The following ATP10B variants were observed in gnomAD, a reference collection of about 807,000 sequenced individuals.
ATP10B encodes phospholipid-transporting ATPase VB.
A neutral mutation model predicts 141.2 loss-of-function variants in ATP10B; 122 were observed. That is an observed-to-expected ratio of 0.86 (90% CI 0.75 to 1.00). The LOEUF (loss-of-function observed/expected upper bound fraction) is 1.00. Among genes scored for constraint, ATP10B ranks in the 50% least tolerant of loss-of-function variants. The pLI is 0.00. For missense variants in ATP10B, 1,876 were observed against 1,825.3 expected (o/e 1.03, Z -0.51); for synonymous variants, 685 against 692.0 (o/e 0.99, Z 0.16).
chr5:160,703,201 A>G (rs909771646), intron 3 of ATP10B, among the ~76,000 whole-genome samples: 1 of 152,126 alleles, frequency 6.6e-6, no homozygotes, highest in Non-Finnish European at 1.5e-5. Flanking sequence ...ATATAATTAC[A>G]TATAGGCGTA....
At chr5:160,598,346 A>G (rs1203808595) in intron 22 of ATP10B, among the ~76,000 whole-genome samples, 4 of 152,078 alleles carry the variant, frequency 2.6e-5, no homozygotes, top group East Asian at 1.9e-4. Context: ...ATGAGAACAC[A>G]TGGACACAGG....
chr5:160,610,250 A>C (rs1032939762), intron 18 of ATP10B, among the ~76,000 whole-genome samples: 3 of 152,170 alleles, frequency 2.0e-5, no homozygotes, highest in Non-Finnish European at 4.4e-5. Context: ...CTCTTGGATG[A>C]TTAGCCCTGA....
intron 23 of ATP10B, among the ~76,000 whole-genome samples, chr5:160,590,673 A>G (rs140176807): frequency 6.6e-6 from 1 of 152,322 alleles, no homozygotes; most frequent in African/African-American, 2.4e-5. Context: ...AGTAAATTCA[A>G]ATACCTTCAG....
At chr5:160,878,165 G>C in the ATP10B span, among the ~76,000 whole-genome samples, 1 of 150,016 alleles carries the variant, frequency 6.7e-6, no homozygotes, top group Admixed American at 6.6e-5. Context: ...AAACAGCATG[G>C]TACTGGTACC....
At chr5:160,778,697 G>A (rs1770512983) in intron 2 of ATP10B, among the ~76,000 whole-genome samples, 1 of 152,144 alleles carries the variant, frequency 6.6e-6, no homozygotes, top group Non-Finnish European at 1.5e-5. Flanking sequence ...TTACAGATAT[G>A]TTATAAATAC....
intron 24 of ATP10B, among the ~76,000 whole-genome samples, chr5:160,582,221 G>A (rs537594785): frequency 1.3e-5 from 2 of 152,266 alleles, no homozygotes; most frequent in African/African-American, 4.8e-5. Flanking sequence ...CCCATTAGTT[G>A]ATGCAGTTTC....
At chr5:160,885,493 A>C in the ATP10B span, among the ~76,000 whole-genome samples, 1 of 152,234 alleles carries the variant, frequency 6.6e-6, no homozygotes, top group Non-Finnish European at 1.5e-5. Flanking sequence ...CCTTGGCAAA[A>C]CCCCAGGATC....
intron 1 of ATP10B, among the ~76,000 whole-genome samples, chr5:160,843,507 C>CAAAA (rs34514367): frequency 1.4e-5 from 2 of 138,552 alleles, no homozygotes; most frequent in African/African-American, 5.3e-5. Context: ...AGAGCATTGA[C>CAAAA]AAAAAAAAAA....
At chr5:160,829,000 T>C (rs1312127107) in intron 1 of ATP10B, among the ~76,000 whole-genome samples, 1 of 129,052 alleles carries the variant, frequency 7.7e-6, no homozygotes, top group Non-Finnish European at 1.6e-5. Flanking sequence ...AGATGGGAAT[T>C]GAACAATGAG....
At chr5:160,578,665 C>G (rs1755350181) in intron 24 of ATP10B, among the ~76,000 whole-genome samples, 1 of 152,138 alleles carries the variant, frequency 6.6e-6, no homozygotes, top group Non-Finnish European at 1.5e-5. Flanking sequence ...GTGCATGTGT[C>G]TTTATAGTAG....
chr5:160,834,686 T>A (rs1351876098), intron 1 of ATP10B, among the ~76,000 whole-genome samples: 2 of 152,192 alleles, frequency 1.3e-5, no homozygotes, highest in Non-Finnish European at 2.9e-5. Flanking sequence ...TGGTTCACAA[T>A]GTGCTTTCAG....
intron 23 of ATP10B, 109 bp from the exon 24 acceptor site, chr5:160,589,805 G>T: frequency 1.3e-6 from 1 of 777,168 alleles, no homozygotes. Flanking sequence ...TGGAGAAGGA[G>T]GTACCCAGCT....
chr5:160,790,227 GTA>G (rs1238793713), intron 1 of ATP10B, among the ~76,000 whole-genome samples: 1 of 152,016 alleles, frequency 6.6e-6, no homozygotes, highest in African/African-American at 2.4e-5. Context: ...ACTGCCTTGG[GTA>G]TGATACATGT....
intron 11 of ATP10B, among the ~76,000 whole-genome samples, chr5:160,635,856 G>T (rs1384046197): frequency 1.3e-5 from 2 of 152,072 alleles, no homozygotes; most frequent in Non-Finnish European, 2.9e-5. Flanking sequence ...ATCTTCTTTT[G>T]TTCCTAGATC....
At chr5:160,726,052 C>T (rs1766329948) in intron 2 of ATP10B, among the ~76,000 whole-genome samples, 1 of 152,000 alleles carries the variant, frequency 6.6e-6, no homozygotes, top group South Asian at 2.1e-4. Context: ...GTGCCTTTTC[C>T]CAAACCACAG....
chr5:160,785,467 G>T (rs998156524), intron 2 of ATP10B, 92 bp downstream of exon 2: 12 of 338,972 alleles, frequency 3.5e-5, no homozygotes, highest in Admixed American at 3.2e-4. Flanking sequence ...AGACTCAGAG[G>T]GTACATGTGC....
chr5:160,827,156 T>TGGG, intron 1 of ATP10B, among the ~76,000 whole-genome samples: 1 of 152,162 alleles, frequency 6.6e-6, no homozygotes, highest in Non-Finnish European at 1.5e-5. Flanking sequence ...GGCATCATGG[T>TGGG]CCTACCAATA....
intron 2 of ATP10B, among the ~76,000 whole-genome samples, chr5:160,771,865 C>T (rs189968817): frequency 1.2e-3 from 179 of 152,290 alleles, no homozygotes; most frequent in Non-Finnish European, 2.2e-3. Flanking sequence ...CCCACTTGTT[C>T]GGTTCCATAC....
intron 1 of ATP10B, among the ~76,000 whole-genome samples, chr5:160,786,323 C>T (rs1771142623): frequency 6.6e-6 from 1 of 152,114 alleles, no homozygotes; most frequent in Admixed American, 6.5e-5. Context: ...ATTTGGACCC[C>T]CAGATTTAAC....
Sources: gnomAD v4.1 joint callset for allele counts (sites outside exome capture counted in the v4.1 genomes callset) on GRCh38, gnomAD v4.1.1 for gene constraint, MANE v1.5 for transcripts, NCBI Gene and HGNC (gene_info 2026-07-23, HGNC 2026-07-21) for gene names.